Variants in TMEM132C observed in about 807,000 individuals in gnomAD.
The protein encoded by TMEM132C is transmembrane protein 132C.
In TMEM132C, 29 loss-of-function variants were observed where a neutral mutation model predicts 61.4. The ratio of observed to expected loss-of-function variants is 0.47; its 90% CI spans 0.35 to 0.64. TMEM132C has a LOEUF of 0.64. Among genes scored for constraint, TMEM132C ranks in the 30% least tolerant of loss-of-function variants. The pLI, the probability that TMEM132C is intolerant of heterozygous loss-of-function variation, is 0.00. For missense variants in TMEM132C, 1,408 were observed against 1,476.9 expected (o/e 0.95, Z 0.76); for synonymous variants, 656 against 633.1 (o/e 1.04, Z -0.54).
chr12:128,544,944 T>G (rs1873896594), intron 3 of TMEM132C, among the ~76,000 whole-genome samples: 2 of 152,194 alleles, frequency 1.3e-5, no homozygotes, highest in Admixed American at 6.5e-5. Context: ...ATTTTACCAT[T>G]TAGGTTGATT....
intron 1 of TMEM132C, among the ~76,000 whole-genome samples, chr12:128,298,636 T>A (rs1871500259): frequency 6.6e-6 from 1 of 152,200 alleles, no homozygotes; most frequent in African/African-American, 2.4e-5. Context: ...GACACTAAAC[T>A]GTGCCATCAG....
intron 1 of TMEM132C, among the ~76,000 whole-genome samples, chr12:128,369,707 A>G (rs933684401): frequency 3.3e-5 from 5 of 152,220 alleles, no homozygotes; most frequent in African/African-American, 1.2e-4. Context: ...CAGCCTTGGG[A>G]TGGACATGTG....
intron 3 of TMEM132C, among the ~76,000 whole-genome samples, chr12:128,596,792 G>C (rs1875970901): frequency 6.7e-6 from 1 of 150,020 alleles, no homozygotes. Context: ...AGCAGCCCCA[G>C]CAGACTGAAA....
chr12:128,417,482 A>T lies in TMEM132C; in HGVS notation c.974+1862A>T, dbSNP rs533891535. On this transcript the variant is annotated intron_variant, in intron 2 of 8. Coordinates refer to ENST00000435159, the MANE Select transcript of TMEM132C (RefSeq NM_001136103.3). ...GTTTTCTGAAATTTTCATCACAAAGATAGGCATGGTGGTGGTGAACAAAGG... is the reference window on the plus strand; with the variant it reads ...GTTTTCTGAAATTTTCATCACAAAGTTAGGCATGGTGGTGGTGAACAAAGG... Among the ~76,000 whole-genome samples, 4 of 152,262 alleles carry T rather than the reference A, an allele frequency of 2.6e-5. No individual in the cohort carries two copies. In the East Asian group the frequency reaches 7.7e-4, roughly 29 times the overall value.
intron 1 of TMEM132C, among the ~76,000 whole-genome samples, chr12:128,406,693 A>G (rs537739463): frequency 1.3e-5 from 2 of 152,322 alleles, no homozygotes; most frequent in African/African-American, 4.8e-5. Flanking sequence ...TGGAACAAGG[A>G]TGTACTAAGA....
intron 1 of TMEM132C, among the ~76,000 whole-genome samples, chr12:128,291,343 G>A (rs1020039380): frequency 6.6e-6 from 1 of 152,214 alleles, no homozygotes; most frequent in Non-Finnish European, 1.5e-5. Context: ...CACGCTAGAT[G>A]CCAGCAGCAT....
At chr12:128,687,015 G>A (rs985503113) in intron 5 of TMEM132C, among the ~76,000 whole-genome samples, 8 of 151,994 alleles carry the variant, frequency 5.3e-5, no homozygotes, top group Middle Eastern at 3.4e-3. Flanking sequence ...TGGCCAACAC[G>A]GTGAAACCTC....
intron 4 of TMEM132C, among the ~76,000 whole-genome samples, chr12:128,663,596 T>C (rs1447283749): frequency 1.3e-5 from 2 of 152,262 alleles, no homozygotes; most frequent in Non-Finnish European, 2.9e-5. Flanking sequence ...TTTCAGTCTA[T>C]TCACACTTCC....
chr12:128,517,196 A>G (rs769190405), intron 2 of TMEM132C, among the ~76,000 whole-genome samples: 67 of 151,850 alleles, frequency 4.4e-4, no homozygotes, highest in Non-Finnish European at 7.9e-4. Flanking sequence ...ACACCACGGC[A>G]CTCCAGCCTG....
intron 3 of TMEM132C, among the ~76,000 whole-genome samples, chr12:128,577,635 A>C (rs563716585): frequency 1.3e-5 from 2 of 152,254 alleles, no homozygotes; most frequent in East Asian, 1.9e-4. Context: ...CCACCGGTGC[A>C]CTCTGCTTTT....
intron 2 of TMEM132C, among the ~76,000 whole-genome samples, chr12:128,494,001 C>G (rs574774938): frequency 3.8e-4 from 58 of 152,190 alleles, no homozygotes; most frequent in African/African-American, 1.2e-3. Context: ...ATAAATAGCT[C>G]TTATTATTTT....
chr12:128,277,298 T>C (rs1238115570), intron 1 of TMEM132C, among the ~76,000 whole-genome samples: 2 of 152,192 alleles, frequency 1.3e-5, no homozygotes, highest in Admixed American at 6.5e-5. Context: ...GTGATGTCAT[T>C]GGACAGTTTC....
At chr12:128,376,092 C>T (rs1215812448) in intron 1 of TMEM132C, among the ~76,000 whole-genome samples, 2 of 152,142 alleles carry the variant, frequency 1.3e-5, no homozygotes, top group East Asian at 1.9e-4. Context: ...AGGAGGCTTA[C>T]AGAGATAGTG....
intron 3 of TMEM132C, among the ~76,000 whole-genome samples, chr12:128,573,282 A>G (rs893454619): frequency 8.5e-5 from 13 of 152,288 alleles, no homozygotes; most frequent in Admixed American, 5.9e-4. Context: ...ATAAAAAATG[A>G]TGAGTTCATG....
At position 128,469,636 on chromosome 12, in the gene TMEM132C, G is replaced by GTT. The variant is rs200837179; in HGVS notation, c.974+54017_974+54018insTT. 6.9e-3 allele frequency among the ~76,000 whole-genome samples: 1,030 copies of GTT among 150,198 alleles called. 15 individuals are homozygous for GTT. The highest frequency in any genetic ancestry group is 0.024 in the African/African-American group (966 of 40,130). ...GTATGCTTGTATGCTTTGTGTGTGT[G>GTT]TGTTTGTGTGTGTGTGTGTGTGTGT... On this transcript the variant is annotated intron_variant, in intron 2 of 8. Transcript: ENST00000435159.
At chr12:128,539,501 C>G (rs1011949177) in intron 2 of TMEM132C, among the ~76,000 whole-genome samples, 1 of 151,890 alleles carries the variant, frequency 6.6e-6, no homozygotes, top group African/African-American at 2.4e-5. Flanking sequence ...GCCTGTAGTC[C>G]CAGCTACCCG....
At position 128,414,805 on chromosome 12, in the gene TMEM132C, C is replaced by G; in HGVS notation, c.159C>G (p.Tyr53Ter). ...TGCCACCTTACCTACCTGTGAGCTA[C>G]CACATCCTCAGAGCAGAGACCTCCT... ...SSLPPYLPVS[Y>*]HILRAETSFF... The change falls in exon 2 of 9, where the codon TAC becomes TAG. Residue 53 changes from tyrosine (Y) to a stop codon, truncating the protein, a stop_gained. Coordinates refer to ENST00000435159, the MANE Select transcript of TMEM132C (RefSeq NM_001136103.3). LOFTEE classifies it high-confidence loss of function. 6.5e-7 allele frequency: 1 copy of G among 1,543,066 alleles called. No individual in the cohort carries two copies. The highest frequency in any genetic ancestry group is 8.7e-7 in the Non-Finnish European group (1 of 1,146,940).
At chr12:128,587,656 A>G (rs10744378) in intron 3 of TMEM132C, among the ~76,000 whole-genome samples, 78,191 of 152,132 alleles carry the variant, frequency 0.51, 21,978 homozygotes, top group South Asian at 0.73. Flanking sequence ...GATTCTCCCA[A>G]TGAGTCCTGT....
intron 1 of TMEM132C, among the ~76,000 whole-genome samples, chr12:128,387,140 CAAAA>C (rs34160455): frequency 2.3e-5 from 2 of 85,626 alleles, no homozygotes; most frequent in Admixed American, 1.4e-4. Context: ...GACTCTGCCT[CAAAA>C]AAAAAAAAAA....
Sources: gnomAD v4.1 joint callset for allele counts (sites outside exome capture counted in the v4.1 genomes callset) on GRCh38, gnomAD v4.1.1 for gene constraint, MANE v1.5 for transcripts, NCBI Gene and HGNC (gene_info 2026-07-23, HGNC 2026-07-21) for gene names.